The following OSMR variants were observed in gnomAD, a reference collection of about 807,000 sequenced individuals.
OSMR encodes oncostatin M receptor, also known as oncostatin-M-specific receptor subunit beta.
In OSMR, 81 loss-of-function variants were observed where a neutral mutation model predicts 99.9. The ratio of observed to expected loss-of-function variants is 0.81; its 90% CI spans 0.68 to 0.97. The LOEUF is 0.97. Among genes scored for constraint, OSMR ranks in the 50% least tolerant of loss-of-function variants. OSMR has a pLI of 0.00. For missense variants in OSMR, 1,099 were observed against 1,153.4 expected (o/e 0.95, Z 0.68); for synonymous variants, 406 against 410.4 (o/e 0.99, Z 0.13).
At chr5:38,914,581 A>G (rs1745792560) in intron 9 of OSMR, among the ~76,000 whole-genome samples, 1 of 152,234 alleles carries the variant, frequency 6.6e-6, no homozygotes, top group Non-Finnish European at 1.5e-5. Flanking sequence ...CACCATAGCA[A>G]AGACATGGAC....
intron 1 of OSMR, among the ~76,000 whole-genome samples, chr5:38,852,130 A>G (rs1457029849): frequency 6.6e-6 from 1 of 152,216 alleles, no homozygotes; most frequent in African/African-American, 2.4e-5. Context: ...GATCTAGTTC[A>G]TTCTTTTTAA....
chr5:38,919,271 C>T, intron 11 of OSMR: 1 of 1,509,398 alleles, frequency 6.6e-7, no homozygotes, highest in South Asian at 1.2e-5. Context: ...TCAGCCATGG[C>T]TCAGGACATT....
At chr5:38,853,019 C>T (rs1740544260) in intron 1 of OSMR, among the ~76,000 whole-genome samples, 1 of 152,144 alleles carries the variant, frequency 6.6e-6, no homozygotes, top group Admixed American at 6.5e-5. Context: ...GCGTGAGCCA[C>T]CGCGCCCGGC....
chr5:38,911,747 G>A (rs1005010181), intron 9 of OSMR, among the ~76,000 whole-genome samples: 1 of 152,176 alleles, frequency 6.6e-6, no homozygotes, highest in African/African-American at 2.4e-5. Flanking sequence ...GGGATGCAAG[G>A]TTGTGTCAGC....
chr5:38,940,531 T>A (rs1477637500), downstream of OSMR: 1 of 232,666 alleles, frequency 4.3e-6, no homozygotes, highest in African/African-American at 2.2e-5. Flanking sequence ...AAATAAACAC[T>A]TGGGTTCAGT....
Position 38,933,585 on chromosome 5 carries a change from A to T in OSMR, c.*141A>T. The T allele has an allele frequency of 1.1e-6, 1 of 904,460 alleles. No homozygotes were observed. Among genetic ancestry groups the T allele is most frequent in the Non-Finnish European group, 1.7e-6 (1 of 574,728 alleles). The allele number at this position is 904,460 out of a possible 1,614,324, so 56.0% of individuals were successfully genotyped here. On this transcript the variant is annotated 3_prime_UTR_variant, in exon 18 of 18. Transcript: ENST00000274276. The stretch of plus-strand genomic sequence containing the variant: ...TATATAAGACCACTACAGTCTGGCT[A>T]GGTTAAAGGCCAGAGGCTATGGAAC...
At chr5:38,910,595 G>T (rs1048857438) in intron 9 of OSMR, among the ~76,000 whole-genome samples, 1 of 152,156 alleles carries the variant, frequency 6.6e-6, no homozygotes, top group Admixed American at 6.5e-5. Context: ...AAATTAACCT[G>T]CTCCTGAAAG....
chr5:38,866,991 C>G (rs187847667), intron 1 of OSMR, among the ~76,000 whole-genome samples: 52 of 152,282 alleles, frequency 3.4e-4, no homozygotes, highest in African/African-American at 1.3e-3. Context: ...CTGTCACTTC[C>G]CTGCTGAATT....
intron 1 of OSMR, among the ~76,000 whole-genome samples, chr5:38,852,888 G>A (rs979418744): frequency 9.3e-5 from 14 of 151,260 alleles, no homozygotes; most frequent in African/African-American, 1.7e-4. Flanking sequence ...CCACCACCAC[G>A]CCCGGCTAAT....
downstream of OSMR, chr5:38,940,483 G>A (rs942384473): frequency 1.3e-5 from 3 of 232,724 alleles, no homozygotes; most frequent in East Asian, 6.1e-5. Flanking sequence ...CAAAGACCAC[G>A]ATGACAGGCA....
chr5:38,928,346 C>T (rs1313809306), intron 15 of OSMR, among the ~76,000 whole-genome samples: 2 of 152,122 alleles, frequency 1.3e-5, no homozygotes, highest in Non-Finnish European at 2.9e-5. Flanking sequence ...AGCCCATTCT[C>T]CACTGCTATA....
rs1240613935 is a variant in OSMR at position 38,900,635 on chromosome 5, A to G, written c.992-3247A>G. 3.9e-5 allele frequency among the ~76,000 whole-genome samples: 6 copies of G among 152,364 alleles called. No individual in the cohort carries two copies. In the East Asian group the frequency reaches 9.7e-4, roughly 25 times the overall value. On this transcript the variant is annotated intron_variant, in intron 7 of 17. Transcript: ENST00000274276. ...AGGTAAACAAAGACAAAGGTTTTTA[A>G]AGAAACAATGAGAAGGATTACATAA...
At chr5:38,886,412 C>T in intron 7 of OSMR, 1 of 1,286,986 alleles carries the variant, frequency 7.8e-7, no homozygotes, top group Non-Finnish European at 1.0e-6. Context: ...AGCTTACTAC[C>T]CAACTTCAAA....
chr5:38,943,704 T>C (rs1450321155), intron 1 of OSMR, among the ~76,000 whole-genome samples: 2 of 152,034 alleles, frequency 1.3e-5, no homozygotes, highest in South Asian at 2.1e-4. Flanking sequence ...TCCCAGCTAC[T>C]TGGGAGGCTG....
At chr5:38,912,122 A>C (rs1033269281) in intron 9 of OSMR, among the ~76,000 whole-genome samples, 3 of 152,146 alleles carry the variant, frequency 2.0e-5, no homozygotes, top group Non-Finnish European at 4.4e-5. Flanking sequence ...GGAAGTCAGA[A>C]GTCAAACTAT....
At chr5:38,910,210 G>A (rs531250090) in intron 9 of OSMR, among the ~76,000 whole-genome samples, 9 of 152,228 alleles carry the variant, frequency 5.9e-5, no homozygotes, top group South Asian at 2.1e-4. Context: ...ACACAAGAGC[G>A]CACAGATTCA....
chr5:38,945,478 C>G, downstream of OSMR: 1 of 1,553,288 alleles, frequency 6.4e-7, no homozygotes, highest in Non-Finnish European at 8.9e-7. Context: ...GAAGGTGGGA[C>G]GTGATCACTT....
chr5:38,881,386 G>A, intron 3 of OSMR: 2 of 642,148 alleles, frequency 3.1e-6, no homozygotes, highest in East Asian at 1.3e-4. Flanking sequence ...GTGATTGGAA[G>A]CTGAGTTTTC....
In OSMR at chr5:38,942,309, A is replaced by G. The variant is rs767333816; in HGVS notation, c.75-1892A>G. The G allele has an allele frequency of 4.4e-6, 7 of 1,585,098 alleles. No individual in the cohort carries two copies. Among genetic ancestry groups the G allele is most frequent in the African/African-American group, 1.3e-5 (1 of 74,544 alleles). On this transcript the variant is annotated intron_variant and NMD_transcript_variant, in intron 1 of 2. Coordinates refer to the OSMR transcript ENST00000508882. ...TATCCATCATAAATATGAGGTCAGG[A>G]TTCAGCAGATGTATCAACTATAGGT...
Sources: allele counts gnomAD v4.1 joint callset (sites outside exome capture counted in the v4.1 genomes callset), GRCh38; gene constraint gnomAD v4.1.1; transcripts MANE v1.5; gene names NCBI Gene and HGNC (gene_info 2026-07-23, HGNC 2026-07-21).